The following GANC variants were observed in gnomAD, a reference collection of about 807,000 sequenced individuals.
GANC encodes the protein neutral alpha-glucosidase C.
A neutral mutation model predicts 124.2 loss-of-function variants in GANC; 117 were observed. The observed-to-expected ratio is 0.94, with a 90% CI of 0.81 to 1.10. The LOEUF is 1.10. Ranked by LOEUF, GANC falls within the 50% of genes least tolerant of loss-of-function variation. GANC has a pLI of 0.00. For synonymous variants in GANC, 377 were observed against 376.8 expected, an observed-to-expected ratio of 1.00 and a Z score of -0.01; for missense variants, 1,140 against 1,095.0, an observed-to-expected ratio of 1.04 and a Z score of -0.58.
rs775908144 is a variant in GANC at position 42,348,130 on chromosome 15, G to A, written c.2332G>A (p.Val778Met). The stretch of plus-strand genomic sequence containing the variant: ...TCCAGTGTTTCAGCGAGGTGGAAGT[G>A]TGATACCAATAAAGACAACTGTAGG... The part of the protein sequence containing the change: ...TIPVFQRGGS[V>M]IPIKTTVGKS... The change falls in exon 21 of 24, where the codon GTG becomes ATG. Residue 778 changes from valine (V) to methionine (M), a missense_variant. Coordinates refer to ENST00000318010, the MANE Select transcript of GANC (RefSeq NM_198141.3). 88 of 1,612,310 alleles carry A rather than the reference G, an allele frequency of 5.5e-5. 2 individuals are homozygous for A. The South Asian group carries it at 8.6e-4, about 16-fold the overall frequency.
At position 42,321,798 on chromosome 15, in the gene GANC, G is replaced by A; in HGVS notation, c.1071G>A (p.Met357Ile). 6.2e-7 allele frequency: 1 copy of A among 1,614,170 alleles called. No individual in the cohort carries two copies. The highest frequency in any genetic ancestry group is 8.5e-7 in the Non-Finnish European group (1 of 1,179,998). Reference sequence around the variant, plus strand: ...TCCCTCTTTTAGGCACACAAGCCATGCCCCCTCTTTTCTCTTTGGGATACC... The same window carrying A: ...TCCCTCTTTTAGGCACACAAGCCATACCCCCTCTTTTCTCTTTGGGATACC... ...QYSHLTGTQA[M>I]PPLFSLGYHQ... Residue 357 changes from methionine to isoleucine, a missense_variant, in exon 11 of 24, where the codon ATG (methionine) becomes ATA (isoleucine). Transcript: ENST00000318010.
intron 15 of GANC, among the ~76,000 whole-genome samples, chr15:42,338,052 T>C (rs1467414031): frequency 3.3e-5 from 5 of 150,904 alleles, no homozygotes; most frequent in Non-Finnish European, 7.4e-5. Context: ...AGTGAGAACA[T>C]GACTCCATCT....
intron 3 of GANC, chr15:42,280,901 G>A (rs559450557): frequency 1.9e-5 from 13 of 699,272 alleles, no homozygotes; most frequent in Non-Finnish European, 3.4e-5. Flanking sequence ...AAAAAGTGAG[G>A]AACAATGCTC....
In GANC at chr15:42,351,334, C is replaced by T; in HGVS notation, c.2537C>T (p.Ala846Val). The change falls in exon 23 of 24, where the codon GCT (alanine) becomes GTT (valine). Residue 846 changes from alanine to valine, a missense_variant. Coordinates refer to ENST00000318010, the MANE Select transcript of GANC (RefSeq NM_198141.3). Reference protein sequence around the residue: ...FCSSVLINSFADQRGHYPSKC... With the variant: ...FCSSVLINSFVDQRGHYPSKC... ...ACTGTTTGTATCTATTCCAGTTTTG[C>T]TGACCAGAGGGGTCATTATCCCAGC... 6.2e-7 allele frequency: 1 copy of T among 1,613,128 alleles called. No homozygotes were observed. The highest frequency in any genetic ancestry group is 8.5e-7 in the Non-Finnish European group (1 of 1,179,210).
chr15:42,289,405 G>C (rs929205021), intron 4 of GANC, among the ~76,000 whole-genome samples: 1 of 152,154 alleles, frequency 6.6e-6, no homozygotes, highest in Non-Finnish European at 1.5e-5. Flanking sequence ...TTCTAGCTAA[G>C]ATAGAAGGTC....
At chr15:42,351,211 A>ATGGAT in intron 22 of GANC, 118 bp from the exon 23 acceptor site, 1 of 696,718 alleles carries the variant, frequency 1.4e-6, no homozygotes, top group Non-Finnish European at 2.5e-6. Context: ...TGACTCCCAT[A>ATGGAT]TGGATCATGC....
rs2141004311 is a variant in GANC at position 42,273,952 on chromosome 15, A to G, written c.-530A>G. On this transcript the variant is annotated 5_prime_UTR_variant, in exon 1 of 24. Coordinates refer to ENST00000318010, the MANE Select transcript of GANC (RefSeq NM_198141.3). ...AAGGCCCCTTCTAGCCCTGAAGAGT[A>G]CGATGCTGCAGTACAATCTGGCTGG... 4.8e-6 allele frequency: 1 copy of G among 207,576 alleles called. No individual in the cohort carries two copies. The highest frequency in any genetic ancestry group is 5.6e-5 in the Admixed American group (1 of 17,896). 12.9% of individuals were successfully genotyped at this position (207,576 alleles called of 1,614,324 possible).
At chr15:42,307,831 T>C (rs2052012725) in intron 7 of GANC, among the ~76,000 whole-genome samples, 2 of 152,152 alleles carry the variant, frequency 1.3e-5, no homozygotes. Flanking sequence ...TTTCATCTAG[T>C]GTAGACTGAA....
chr15:42,346,280 C>T (rs1014157227), intron 20 of GANC, among the ~76,000 whole-genome samples: 36 of 152,090 alleles, frequency 2.4e-4, no homozygotes, highest in African/African-American at 8.5e-4. Context: ...ACCAAGGATG[C>T]TAGTGTTCTG....
At chr15:42,289,659 T>G (rs1224515426) in intron 4 of GANC, among the ~76,000 whole-genome samples, 2 of 152,206 alleles carry the variant, frequency 1.3e-5, no homozygotes, top group African/African-American at 4.8e-5. Flanking sequence ...AGTATGAGAT[T>G]GGCTGGCTGA....
intron 18 of GANC, 36 bp downstream of exon 18, chr15:42,340,790 G>A (rs369813340): frequency 1.1e-4 from 151 of 1,410,100 alleles, no homozygotes; most frequent in East Asian, 3.5e-4. Context: ...TTTTTGAGAC[G>A]GAGTCTCACT....
intron 11 of GANC, among the ~76,000 whole-genome samples, chr15:42,322,725 A>G (rs562989335): frequency 1.2e-4 from 18 of 152,262 alleles, no homozygotes; most frequent in Admixed American, 3.3e-4. Context: ...CCACCTGTCA[A>G]TCTGGCCAAG....
chr15:42,325,266 C>CT (rs1324765071), intron 11 of GANC, among the ~76,000 whole-genome samples: 2 of 151,798 alleles, frequency 1.3e-5, no homozygotes, highest in African/African-American at 4.8e-5. Context: ...GAGCGAGACT[C>CT]TGTCTCAAAA....
intron 4 of GANC, 134 bp downstream of exon 4, chr15:42,287,952 T>C: frequency 1.2e-6 from 1 of 852,606 alleles, no homozygotes; most frequent in South Asian, 2.2e-5. Flanking sequence ...GGTGTAAAAG[T>C]AATTGTGGTT....
intron 10 of GANC, among the ~76,000 whole-genome samples, chr15:42,315,549 G>A (rs2052094285): frequency 6.6e-6 from 1 of 152,202 alleles, no homozygotes; most frequent in South Asian, 2.1e-4. Flanking sequence ...AATGTAAAAT[G>A]GTTCAGCCAT....
intron 6 of GANC, among the ~76,000 whole-genome samples, chr15:42,304,220 C>T (rs2051972820): frequency 1.3e-5 from 2 of 152,194 alleles, no homozygotes; most frequent in South Asian, 4.1e-4. Context: ...AACTGCACAA[C>T]TACATGGAAA....
intron 6 of GANC, among the ~76,000 whole-genome samples, chr15:42,304,114 T>G (rs2051972197): frequency 6.6e-6 from 1 of 152,064 alleles, no homozygotes; most frequent in Non-Finnish European, 1.5e-5. Context: ...AGTAAAACAC[T>G]CCTCAGCAAA....
At chr15:42,287,905 C>A in intron 4 of GANC, 87 bp downstream of exon 4, 1 of 1,383,322 alleles carries the variant, frequency 7.2e-7, no homozygotes. Context: ...ATGTGCACTT[C>A]TTATTTTGGC....
At chr15:42,282,283 T>C (rs911525719) in intron 3 of GANC, among the ~76,000 whole-genome samples, 2 of 152,094 alleles carry the variant, frequency 1.3e-5, no homozygotes, top group African/African-American at 2.4e-5. Flanking sequence ...ATTGTGCCGC[T>C]GCACCCTCAG....
Sources: allele counts gnomAD v4.1 joint callset (sites outside exome capture counted in the v4.1 genomes callset), GRCh38; gene constraint gnomAD v4.1.1; transcripts MANE v1.5; gene names NCBI Gene and HGNC (gene_info 2026-07-23, HGNC 2026-07-21).